EXTL3: variants seen among roughly 807,000 people sequenced by gnomAD.
The protein encoded by EXTL3 is exostosin like glycosyltransferase 3.
Under a neutral mutation model 69.3 loss-of-function variants are expected in EXTL3, and 27 were observed. That is an observed-to-expected ratio of 0.39 (90% CI 0.29 to 0.54). EXTL3 has a LOEUF of 0.54. Among genes scored for constraint, EXTL3 ranks in the 20% least tolerant of loss-of-function variants. The probability of loss-of-function intolerance (pLI) is 0.69; values close to 1 mark genes in which losing one functional copy is unlikely to be tolerated. For synonymous variants in EXTL3, 511 were observed against 499.4 expected (o/e 1.02, Z -0.31); for missense variants, 1,003 against 1,231.8 (o/e 0.81, Z 2.78).
Position 28,716,197 on chromosome 8 carries a change from C to T in EXTL3, c.138C>T (p.Ile46=), listed in dbSNP as rs141531460. 6.9e-5 allele frequency: 111 copies of T among 1,614,172 alleles called. No individual in the cohort carries two copies. The African/African-American group carries it at 1.1e-3, about 16-fold the overall frequency. ...TCATCCTGGTCTTCTTCCCGCTCAT[C>T]GCCCACTATTACCTCACCACTCTGG... ...LFVILVFFPL[I]AHYYLTTLDE... The change falls in exon 3 of 7, where the codon ATC becomes ATT. Residue 46 remains isoleucine (I), a synonymous_variant. Coordinates refer to ENST00000220562, the MANE Select transcript of EXTL3 (RefSeq NM_001440.4). This position sits in a 1 kb window ranked among gnomAD's most constrained non-coding sequence, Gnocchi z 7.1.
rs35781576 is a variant in EXTL3 at position 28,717,708 on chromosome 8, C to T, written c.1649C>T (p.Ala550Val). The change falls in exon 3 of 7, where the codon GCA (alanine) becomes GTA (valine). Residue 550 changes from alanine to valine, a missense_variant. Physicochemically the swap from Ala to Val is moderately conservative, Grantham distance 64 (BLOSUM62 0). Coordinates refer to ENST00000220562, the MANE Select transcript of EXTL3 (RefSeq NM_001440.4). This position sits in a 1 kb window ranked among gnomAD's most constrained non-coding sequence, Gnocchi z 8.3. The part of the protein sequence containing the change: ...IPAAPIREEA[A>V]AEIPHRSGKA... Reference sequence around the variant, plus strand: ...GCCGCTCCCATCCGGGAAGAGGCGGCAGCTGAGATCCCCCACCGTTCAGGC... The same window carrying T: ...GCCGCTCCCATCCGGGAAGAGGCGGTAGCTGAGATCCCCCACCGTTCAGGC... 5.2e-4 allele frequency: 832 copies of T among 1,614,262 alleles called. 2 individuals are homozygous for T. The African/African-American group carries it at 9.7e-3, about 19-fold the overall frequency.
At chr8:28,719,638 A>C (rs1803265517) in intron 3 of EXTL3, among the ~76,000 whole-genome samples, 1 of 152,192 alleles carries the variant, frequency 6.6e-6, no homozygotes, top group Non-Finnish European at 1.5e-5. Context: ...TTTGTATATT[A>C]AGTTTTGTAA....
At chr8:28,745,973 T>C (rs1801880273) in intron 6 of EXTL3, among the ~76,000 whole-genome samples, 1 of 152,228 alleles carries the variant, frequency 6.6e-6, no homozygotes, top group Non-Finnish European at 1.5e-5. Flanking sequence ...ATTAAGAGTG[T>C]TTTCTAACTC....
intron 1 of EXTL3, among the ~76,000 whole-genome samples, chr8:28,649,253 C>T (rs950053908): frequency 1.3e-5 from 2 of 152,160 alleles, no homozygotes; most frequent in African/African-American, 4.8e-5. Context: ...AATTGTTCCT[C>T]TAGGGTATTT....
At position 28,713,558 on chromosome 8, in the gene EXTL3, A is replaced by C. The variant is rs1563213441; in HGVS notation, c.-476+8A>C. 1 of 702,352 alleles carries C rather than the reference A, an allele frequency of 1.4e-6. No individual in the cohort carries two copies. Among genetic ancestry groups the C allele is most frequent in the Non-Finnish European group, 2.6e-6 (1 of 384,910 alleles). 43.5% of individuals were successfully genotyped at this position (702,352 alleles called of 1,614,324 possible). A position where few individuals can be genotyped will look rare whatever the true frequency, so the allele number is the denominator to read the frequency against. On this transcript the variant is annotated splice_region_variant and intron_variant, in intron 2 of 6. Transcript: ENST00000220562. ...AGGGTCCTGAAACACATGGTGAGGAAGGAATGAGTCAGCTGGATTGCTGTG... is the reference window on the plus strand; with the variant it reads ...AGGGTCCTGAAACACATGGTGAGGACGGAATGAGTCAGCTGGATTGCTGTG...
chr8:28,693,969 G>A (rs1030853682), intron 1 of EXTL3, among the ~76,000 whole-genome samples: 2 of 152,224 alleles, frequency 1.3e-5, no homozygotes, highest in Admixed American at 1.3e-4. Flanking sequence ...GTTCTTATCT[G>A]ACTTAACCTC....
chr8:28,702,452 T>C (rs1800829351), intron 1 of EXTL3, among the ~76,000 whole-genome samples: 1 of 152,256 alleles, frequency 6.6e-6, no homozygotes, highest in Non-Finnish European at 1.5e-5. Context: ...CGGCTGCTGA[T>C]GGGTGCTGCT....
In EXTL3 at chr8:28,750,608, T is replaced by TG; in HGVS notation, c.2551-48dup. On this transcript the variant is annotated intron_variant, in intron 6 of 6. Coordinates refer to ENST00000220562, the MANE Select transcript of EXTL3 (RefSeq NM_001440.4). The surrounding 1 kb of genome is among the most constrained non-coding windows in gnomAD (Gnocchi z 5.2). Reference sequence around the variant, plus strand: ...GGGATCGGCTCAGCTGCAAGGGTTCTGTCAGTATTAGCTGGGATTCCCACT... The same window carrying TG: ...GGGATCGGCTCAGCTGCAAGGGTTCTGGTCAGTATTAGCTGGGATTCCCACT... The TG allele has an allele frequency of 6.8e-7, 1 of 1,469,298 alleles. No homozygotes were observed. Among genetic ancestry groups the TG allele is most frequent in the Non-Finnish European group, 9.5e-7 (1 of 1,049,196 alleles). The allele number at this position is 1,469,298 out of a possible 1,614,324, so 91.0% of individuals were successfully genotyped here. A position where few individuals can be genotyped will look rare whatever the true frequency, so the allele number is the denominator to read the frequency against.
chr8:28,733,127 A>G (rs1801573977), intron 4 of EXTL3, among the ~76,000 whole-genome samples: 1 of 152,010 alleles, frequency 6.6e-6, no homozygotes, highest in South Asian at 2.1e-4. Flanking sequence ...TTCATGCGCA[A>G]GTTTTTGTAT....
upstream of EXTL3, chr8:28,699,335 A>T (rs1041286295): frequency 6.6e-6 from 1 of 152,462 alleles, no homozygotes; most frequent in Non-Finnish European, 1.5e-5. Context: ...GTGAGAAGGA[A>T]AAAAGAAAGT....
upstream of EXTL3, among the ~76,000 whole-genome samples, chr8:28,622,256 C>G (rs1050222076): frequency 2.0e-5 from 3 of 152,274 alleles, no homozygotes; most frequent in African/African-American, 7.2e-5. Context: ...GAGGTAGCCC[C>G]GCACTCTAAG....
intron 6 of EXTL3, among the ~76,000 whole-genome samples, chr8:28,746,404 C>A (rs919129118): frequency 6.6e-6 from 1 of 152,142 alleles, no homozygotes; most frequent in Non-Finnish European, 1.5e-5. Flanking sequence ...AGCCGAAATG[C>A]AAGTGAACGT....
chr8:28,619,266 T>TACAAAA (rs1806372093), upstream of EXTL3, among the ~76,000 whole-genome samples: 2 of 64,656 alleles, frequency 3.1e-5, no homozygotes, highest in African/African-American at 7.1e-5. Flanking sequence ...AGCTTAGTGA[T>TACAAAA]AAAAAAAAAA....
chr8:28,716,403 A>T lies in EXTL3; in HGVS notation c.344A>T (p.Glu115Val), dbSNP rs764082441. The change falls in exon 3 of 7, where the codon GAA (glutamate) becomes GTA (valine). Residue 115 changes from glutamate to valine, a missense_variant. Physicochemically the swap from Glu to Val is moderately radical, Grantham distance 121 (BLOSUM62 -2). Coordinates refer to ENST00000220562, the MANE Select transcript of EXTL3 (RefSeq NM_001440.4). The surrounding 1 kb of genome is among the most constrained non-coding windows in gnomAD (Gnocchi z 7.1). Reference sequence around the variant, plus strand: ...ATCGCCAAGCTGAATCTGAAGATCGAAGCCTGTAAGAAGAGCATTGAGAAC... The same window carrying T: ...ATCGCCAAGCTGAATCTGAAGATCGTAGCCTGTAAGAAGAGCATTGAGAAC... ...SEIAKLNLKIEACKKSIENAK... is the reference protein window; with the variant it reads ...SEIAKLNLKIVACKKSIENAK... 6.2e-7 allele frequency: 1 copy of T among 1,613,862 alleles called. No individual in the cohort carries two copies. The highest frequency in any genetic ancestry group is 2.2e-5 in the East Asian group (1 of 44,882).
chr8:28,709,497 CCTCCTGTCT>C (rs141518113), intron 1 of EXTL3, among the ~76,000 whole-genome samples: 2,362 of 152,188 alleles, frequency 0.016, 49 homozygotes, highest in African/African-American at 0.052. Context: ...CCCTGTCGCG[CCTCCTGTCT>C]CTCCTGTCTC....
intron 1 of EXTL3, among the ~76,000 whole-genome samples, chr8:28,686,400 G>A (rs1357383938): frequency 1.3e-5 from 2 of 151,956 alleles, no homozygotes; most frequent in Non-Finnish European, 2.9e-5. Context: ...TTATATGATA[G>A]TTTTTGAAGT....
At chr8:28,684,463 C>G (rs886791458) in intron 1 of EXTL3, among the ~76,000 whole-genome samples, 1 of 152,022 alleles carries the variant, frequency 6.6e-6, no homozygotes, top group African/African-American at 2.4e-5. Context: ...TCAGTGGGCA[C>G]GATGCATGAT....
chr8:28,647,031 C>T (rs1806841043), intron 1 of EXTL3, among the ~76,000 whole-genome samples: 1 of 151,930 alleles, frequency 6.6e-6, no homozygotes, highest in Non-Finnish European at 1.5e-5. Flanking sequence ...GGCTTACATT[C>T]AAGCAGATGC....
chr8:28,607,967 A>T (rs60158393), intron 2 of EXTL3, among the ~76,000 whole-genome samples: 1 of 151,764 alleles, frequency 6.6e-6, no homozygotes. Flanking sequence ...AAAATTAGCC[A>T]GGCGTGGTGG....
Sources: allele counts gnomAD v4.1 joint callset (sites outside exome capture counted in the v4.1 genomes callset), GRCh38; gene constraint gnomAD v4.1.1; non-coding constraint Gnocchi (gnomAD v3.1); transcripts MANE v1.5; gene names NCBI Gene and HGNC (gene_info 2026-07-23, HGNC 2026-07-21).